The following VIPR2 variants were observed in gnomAD, a reference collection of about 807,000 sequenced individuals.
VIPR2 encodes vasoactive intestinal peptide receptor 2.
A neutral mutation model predicts 58.0 loss-of-function variants in VIPR2; 48 were observed. The observed-to-expected ratio is 0.83, with a 90% CI of 0.66 to 1.05. The LOEUF is 1.05. Among genes scored for constraint, VIPR2 ranks in the 50% least tolerant of loss-of-function variants. The pLI, the probability that VIPR2 is intolerant of heterozygous loss-of-function variation, is 0.00. For missense variants in VIPR2, 534 were observed against 558.0 expected (o/e 0.96, Z 0.43); for synonymous variants, 243 against 235.2 (o/e 1.03, Z -0.30).
chr7:159,142,614 C>G, intron 1 of VIPR2, 69 bp from the exon 2 acceptor site: 1 of 1,255,358 alleles, frequency 8.0e-7, no homozygotes, highest in Non-Finnish European at 1.1e-6. Context: ...AGCAAAAATT[C>G]TACAAAAACA....
intron 5 of VIPR2, among the ~76,000 whole-genome samples, chr7:159,052,524 A>G (rs969590226): frequency 6.6e-6 from 1 of 152,234 alleles, no homozygotes; most frequent in African/African-American, 2.4e-5. Flanking sequence ...ACTCCAAAAA[A>G]TAGAAAAGAG....
intron 4 of VIPR2, among the ~76,000 whole-genome samples, chr7:159,066,166 C>T (rs906309404): frequency 6.8e-6 from 1 of 147,150 alleles, no homozygotes; most frequent in Non-Finnish European, 1.5e-5. Flanking sequence ...TGCTCCCACA[C>T]TGTCCGTGGG....
At chr7:159,110,255 C>T (rs542167373) in intron 2 of VIPR2, among the ~76,000 whole-genome samples, 29 of 152,300 alleles carry the variant, frequency 1.9e-4, no homozygotes, top group African/African-American at 6.5e-4. Flanking sequence ...GGGAGGGAGA[C>T]GCCCAGGGAA....
chr7:159,058,560 C>T lies in VIPR2; in HGVS notation c.376G>A (p.Val126Met). 1 of 1,611,726 alleles carries T rather than the reference C, an allele frequency of 6.2e-7. No homozygotes were observed. Among genetic ancestry groups the T allele is most frequent in the Non-Finnish European group, 8.5e-7 (1 of 1,178,082 alleles). ...TAGCCCAGTGTATAAATGGCCTTCA[C>T]CAGAATATAAAACGTGATCTACAAA... is the stretch of plus-strand genomic sequence containing the variant. The part of the protein sequence containing the change: ...DESKITFYIL[V>M]KAIYTLGYSV... The change falls in exon 5 of 13, where the codon GTG becomes ATG. Residue 126 changes from valine to methionine, a missense_variant. This residue lies in a region of VIPR2 where 224 missense variants were observed against 255.7 expected (regional missense o/e 0.88). Transcript: ENST00000262178.
chr7:159,105,927 C>T (rs1040872693), intron 3 of VIPR2, among the ~76,000 whole-genome samples: 6 of 152,214 alleles, frequency 3.9e-5, no homozygotes, highest in Admixed American at 6.5e-5. Flanking sequence ...TCAGGAATGC[C>T]GGGCTCTGTG....
intron 1 of VIPR2, 49 bp downstream of exon 1, chr7:159,144,672 G>T: frequency 7.4e-7 from 1 of 1,355,116 alleles, no homozygotes; most frequent in Non-Finnish European, 9.5e-7. Context: ...CTCGGAAGGG[G>T]AGAACCGGGT....
At chr7:159,048,520 T>C (rs978247092) in intron 5 of VIPR2, among the ~76,000 whole-genome samples, 6 of 152,220 alleles carry the variant, frequency 3.9e-5, no homozygotes, top group African/African-American at 1.2e-4. Context: ...AATTGAACTA[T>C]ACTGTGTGAA....
At chr7:159,044,957 G>T (rs928842903) in intron 5 of VIPR2, among the ~76,000 whole-genome samples, 1 of 152,100 alleles carries the variant, frequency 6.6e-6, no homozygotes, top group South Asian at 2.1e-4. Flanking sequence ...GTAGAGATGG[G>T]GTGGGGTTTC....
intron 4 of VIPR2, among the ~76,000 whole-genome samples, chr7:159,077,008 A>G (rs1248228128): frequency 6.6e-6 from 1 of 152,216 alleles, no homozygotes; most frequent in East Asian, 1.9e-4. Context: ...ATGAGTAGAG[A>G]TTGACTTTAT....
chr7:159,087,892 C>T (rs1233011139), intron 4 of VIPR2, among the ~76,000 whole-genome samples: 5 of 152,192 alleles, frequency 3.3e-5, no homozygotes, highest in African/African-American at 9.7e-5. Context: ...TAGTGAGATA[C>T]GGCTTCCCCA....
At chr7:159,073,000 A>G (rs1313884358) in intron 4 of VIPR2, among the ~76,000 whole-genome samples, 2 of 152,258 alleles carry the variant, frequency 1.3e-5, no homozygotes, top group Admixed American at 6.5e-5. Context: ...TCTGTGAAAT[A>G]TAAGTTGTAA....
rs1331993869 is a variant in VIPR2 at position 159,128,824 on chromosome 7, G to A, written c.151+13622C>T. 1.3e-5 allele frequency among the ~76,000 whole-genome samples: 2 copies of A among 152,146 alleles called. No individual in the cohort carries two copies. The highest frequency in any genetic ancestry group is 2.4e-5 in the African/African-American group (1 of 41,432). ...GGTCTCAGCTCTGCAGGTTGGGCAC[G>A]CTAACTGCTCTTCTCCCTCAACTGC... On this transcript the variant is annotated intron_variant, in intron 2 of 12. Transcript: ENST00000262178. This position sits in a 1 kb window ranked among gnomAD's most constrained non-coding sequence, Gnocchi z 4.1.
rs182675569 is a variant in VIPR2, at chr7:159,054,317, T to C, written c.455+4164A>G. Among the ~76,000 whole-genome samples, 5 of 152,182 alleles carry C rather than the reference T, an allele frequency of 3.3e-5. No individual in the cohort carries two copies. The East Asian group carries it at 9.7e-4, about 29-fold the overall frequency. Reference sequence around the variant, plus strand: ...TTTCTTAAGAGGACTCAAGAAACAATGACATAAAGAAACAAATGGCAAATA... The same window carrying C: ...TTTCTTAAGAGGACTCAAGAAACAACGACATAAAGAAACAAATGGCAAATA... On this transcript the variant is annotated intron_variant, in intron 5 of 12. Coordinates refer to ENST00000262178, the MANE Select transcript of VIPR2 (RefSeq NM_003382.5).
intron 5 of VIPR2, among the ~76,000 whole-genome samples, chr7:159,049,936 C>T (rs1465575422): frequency 1.3e-5 from 2 of 152,228 alleles, no homozygotes; most frequent in Non-Finnish European, 2.9e-5. Flanking sequence ...AAATCCTCTG[C>T]AGCAAGATAA....
rs1056429742 is a variant in VIPR2 at position 159,144,664 on chromosome 7, C to T, written c.51+57G>A. The T allele has an allele frequency of 8.8e-6, 12 of 1,367,680 alleles. No homozygotes were observed. The African/African-American group carries it at 1.8e-4, about 21-fold the overall frequency. The allele number at this position is 1,367,680 out of a possible 1,614,324, so 84.7% of individuals were successfully genotyped here. A position where few individuals can be genotyped will look rare whatever the true frequency, so the allele number is the denominator to read the frequency against. On this transcript the variant is annotated intron_variant, in intron 1 of 12. Coordinates refer to ENST00000262178, the MANE Select transcript of VIPR2 (RefSeq NM_003382.5). ...AGACCGGCGGGAGGAGCGCTCTTCT[C>T]GGAAGGGGAGAACCGGGTCCGAGGC... is the stretch of plus-strand genomic sequence containing the variant.
At chr7:159,062,522 T>A (rs74910231) in intron 4 of VIPR2, among the ~76,000 whole-genome samples, 1,650 of 152,142 alleles carry the variant, frequency 0.011, 33 homozygotes, top group African/African-American at 0.037. Context: ...AGGCGGCCCC[T>A]CTCTGGAGTT....
At chr7:159,083,737 G>T (rs57403237) in intron 4 of VIPR2, among the ~76,000 whole-genome samples, 39 of 152,214 alleles carry the variant, frequency 2.6e-4, no homozygotes, top group Non-Finnish European at 4.1e-4. Flanking sequence ...ATGCAGTTTG[G>T]GGGGTGACAA....
In VIPR2 at chr7:159,030,534, T is replaced by C; in HGVS notation, c.*82A>G. Reference sequence around the variant, plus strand: ...CTGCCCGACACGGTGCTCGGGCATCTGGAAGGAGGAAGCCGGCGTCTCAGC... The same window carrying C: ...CTGCCCGACACGGTGCTCGGGCATCCGGAAGGAGGAAGCCGGCGTCTCAGC... On this transcript the variant is annotated 3_prime_UTR_variant, in exon 13 of 13. Coordinates refer to ENST00000262178, the MANE Select transcript of VIPR2 (RefSeq NM_003382.5). 1 of 1,449,282 alleles carries C rather than the reference T, an allele frequency of 6.9e-7. No individual in the cohort carries two copies. The highest frequency in any genetic ancestry group is 9.1e-7 in the Non-Finnish European group (1 of 1,096,458). The allele number at this position is 1,449,282 out of a possible 1,614,324, so 89.8% of individuals were successfully genotyped here. A position where few individuals can be genotyped will look rare whatever the true frequency, so the allele number is the denominator to read the frequency against.
rs1857864888 is a variant in VIPR2 at position 159,096,640 on chromosome 7, A to G, written c.357+7117T>C. On this transcript the variant is annotated intron_variant, in intron 4 of 12. Transcript: ENST00000262178. This position sits in a 1 kb window ranked among gnomAD's most constrained non-coding sequence, Gnocchi z 5.5. ...ATCTCCTTTGGCCCTGAAAAGACTC[A>G]TCCATTTATTTGGAAAGTATTAAGC... 6.6e-6 allele frequency among the ~76,000 whole-genome samples: 1 copy of G among 152,194 alleles called. No individual in the cohort carries two copies. Among genetic ancestry groups the G allele is most frequent in the African/African-American group, 2.4e-5 (1 of 41,448 alleles).
Sources: allele counts gnomAD v4.1 joint callset (sites outside exome capture counted in the v4.1 genomes callset), GRCh38; gene constraint gnomAD v4.1.1; regional missense constraint gnomAD v4.1.1; non-coding constraint Gnocchi (gnomAD v3.1); transcripts MANE v1.5; gene names NCBI Gene and HGNC (gene_info 2026-07-23, HGNC 2026-07-21).